Variants in TSC1 observed in about 807,000 individuals in gnomAD.
TSC1 encodes TSC complex subunit 1.
TSC1 carries 20 observed loss-of-function variants against 124.3 expected under a neutral mutation model. That is an observed-to-expected ratio of 0.16 (90% confidence interval 0.11 to 0.23). The LOEUF is 0.23. Among genes scored for constraint, TSC1 ranks in the 10% least tolerant of loss-of-function variants. TSC1 has a pLI of 1.00. For synonymous variants in TSC1, 493 were observed against 539.1 expected, an observed-to-expected ratio of 0.91 and a Z score of 1.19; for missense variants, 1,124 against 1,448.5, an observed-to-expected ratio of 0.78 and a Z score of 3.64.
intron 8 of TSC1, among the ~76,000 whole-genome samples, chr9:132,913,537 G>T (rs1258967617): frequency 6.6e-6 from 1 of 152,032 alleles, no homozygotes; most frequent in Non-Finnish European, 1.5e-5. Context: ...GAACACTGTT[G>T]TATGTCTTGA....
intron 1 of TSC1, among the ~76,000 whole-genome samples, chr9:132,943,134 A>G (rs1232401129): frequency 6.6e-6 from 1 of 152,124 alleles, no homozygotes; most frequent in Non-Finnish European, 1.5e-5. Context: ...TGATCCCAAA[A>G]TTATAAATCA....
Position 132,894,324 on chromosome 9 carries a change from G to A in TSC1, c.*1911C>T, listed in dbSNP as rs1228483668. 4.3e-6 allele frequency: 1 copy of A among 231,194 alleles called. No homozygotes were observed. Among genetic ancestry groups the A allele is most frequent in the Non-Finnish European group, 8.6e-6 (1 of 116,618 alleles). The allele number at this position is 231,194 out of a possible 1,614,324, so 14.3% of individuals were successfully genotyped here. A position where few individuals can be genotyped will look rare whatever the true frequency, so the allele number is the denominator to read the frequency against. On this transcript the variant is annotated 3_prime_UTR_variant, in exon 23 of 23. Coordinates refer to ENST00000298552, the MANE Select transcript of TSC1 (RefSeq NM_000368.5). ...TATGGCACAGATCTCTTGGGCATGA[G>A]GAGAAGGAAAGCACTTAAAACCAGT...
intron 8 of TSC1, among the ~76,000 whole-genome samples, chr9:132,915,220 C>T (rs1380052112): frequency 2.0e-5 from 3 of 152,044 alleles, no homozygotes; most frequent in Non-Finnish European, 4.4e-5. Flanking sequence ...TTCCACGTGC[C>T]TGTACTCTCA....
chr9:132,910,226 G>A (rs1845873733), intron 12 of TSC1: 1 of 542,340 alleles, frequency 1.8e-6, no homozygotes, highest in Non-Finnish European at 3.3e-6. Flanking sequence ...GCATGAGTCT[G>A]GGAGGTCAAG....
rs763954510 is a variant in TSC1 at position 132,936,115 on chromosome 9, CTT to C, written c.-143-1022_-143-1021del. ...CTAGAAGTTAAAATCTTTTCTTTTT[CTT>C]TCTTTCTCTCTTTCTTTTTTAGAGA... On this transcript the variant is annotated intron_variant, in intron 1 of 22. Coordinates refer to ENST00000298552, the MANE Select transcript of TSC1 (RefSeq NM_000368.5). Among the ~76,000 whole-genome samples the C allele has an allele frequency of 2.0e-4, 30 of 152,178 alleles. No individual in the cohort carries two copies. The East Asian group carries it at 3.7e-3, about 19-fold the overall frequency.
rs1845518960 is a variant in TSC1, at chr9:132,903,955, G to A, written c.2042-138C>T. The A allele has an allele frequency of 9.9e-7, 1 of 1,008,542 alleles. No homozygotes were observed. Among genetic ancestry groups the A allele is most frequent in the Non-Finnish European group, 1.5e-6 (1 of 667,450 alleles). 62.5% of individuals were successfully genotyped at this position (1,008,542 alleles called of 1,614,324 possible). ...CCACTCTCTTTGCAAATGACCACTT[G>A]ACTCCCAGCAACAGCAGGGGGGAAA... is the stretch of plus-strand genomic sequence containing the variant. On this transcript the variant is annotated intron_variant, in intron 16 of 22. Transcript: ENST00000298552. The surrounding 1 kb of genome is among the most constrained non-coding windows in gnomAD (Gnocchi z 5.9).
chr9:132,906,240 G>A lies in TSC1; in HGVS notation c.1439-101C>T. ...TGCTGCCACATGCCAGTGTCACTCA[G>A]AGAGAGGAGAAAAAGTGGCATCCGG... On this transcript the variant is annotated intron_variant, in intron 14 of 22. Transcript: ENST00000298552. The surrounding 1 kb of genome is among the most constrained non-coding windows in gnomAD (Gnocchi z 4.1). 1 of 1,347,014 alleles carries A rather than the reference G, an allele frequency of 7.4e-7. No individual in the cohort carries two copies. Among genetic ancestry groups the A allele is most frequent in the South Asian group, 1.3e-5 (1 of 79,636 alleles). The allele number at this position is 1,347,014 out of a possible 1,614,324, so 83.4% of individuals were successfully genotyped here.
Position 132,897,483 on chromosome 9 carries a change from T to C in TSC1, c.2753A>G (p.Lys918Arg), listed in dbSNP as rs757025842. Residue 918 changes from lysine to arginine, a missense_variant, in exon 21 of 23, where the codon AAG (lysine) becomes AGG (arginine). Transcript: ENST00000298552. ...CTGTTCCAAAAGAAGGTGGTCTTTC[T>C]TGGCCAGGTGAGATTCCAGTTCCAA... ...RILELESHLAKKDHLLLEQKK... is the reference protein window; with the variant it reads ...RILELESHLARKDHLLLEQKK... 1 of 1,614,202 alleles carries C rather than the reference T, an allele frequency of 6.2e-7. No homozygotes were observed. The highest frequency in any genetic ancestry group is 8.5e-7 in the Non-Finnish European group (1 of 1,180,046).
rs1588321884 is a variant in TSC1, at chr9:132,910,698, A to G, written c.1142-6T>C. On this transcript the variant is annotated splice_region_variant and splice_polypyrimidine_tract_variant and intron_variant, in intron 11 of 22. Transcript: ENST00000298552. ...AGGAGTTCCTTTTCCACCTGCTTAGAGACAAGGGCAGAACATATATGAACA... is the reference window on the plus strand; with the variant it reads ...AGGAGTTCCTTTTCCACCTGCTTAGGGACAAGGGCAGAACATATATGAACA... The G allele has an allele frequency of 6.2e-7, 1 of 1,613,424 alleles. No homozygotes were observed. The highest frequency in any genetic ancestry group is 8.5e-7 in the Non-Finnish European group (1 of 1,180,032).
In TSC1 at chr9:132,906,976, G is replaced by C. The variant is rs190267978; in HGVS notation, c.1334-141C>G. The stretch of plus-strand genomic sequence containing the variant: ...AGGCTGGACATGGCTCTGTCCTGGG[G>C]ATACTACAAAAGACTGAAATATTAA... On this transcript the variant is annotated intron_variant, in intron 13 of 22. Coordinates refer to ENST00000298552, the MANE Select transcript of TSC1 (RefSeq NM_000368.5). The surrounding 1 kb of genome is among the most constrained non-coding windows in gnomAD (Gnocchi z 4.1). The C allele has an allele frequency of 1.4e-6, 1 of 725,498 alleles. No homozygotes were observed. The highest frequency in any genetic ancestry group is 1.8e-5 in the African/African-American group (1 of 56,192). The allele number at this position is 725,498 out of a possible 1,614,324, so 44.9% of individuals were successfully genotyped here. A position where few individuals can be genotyped will look rare whatever the true frequency, so the allele number is the denominator to read the frequency against.
chr9:132,923,341 T>A lies in TSC1; in HGVS notation c.508+7A>T, dbSNP rs1846668543. ...AGGGCCCAACAGGTATATGAGGAGATCTGTACCTGGTTTCTTCAGGCACCA... is the reference window on the plus strand; with the variant it reads ...AGGGCCCAACAGGTATATGAGGAGAACTGTACCTGGTTTCTTCAGGCACCA... On this transcript the variant is annotated splice_region_variant and intron_variant, in intron 6 of 22. Coordinates refer to ENST00000298552, the MANE Select transcript of TSC1 (RefSeq NM_000368.5). This position sits in a 1 kb window ranked among gnomAD's most constrained non-coding sequence, Gnocchi z 4.2. The A allele has an allele frequency of 1.9e-6, 3 of 1,614,050 alleles. No homozygotes were observed. The highest frequency in any genetic ancestry group is 2.2e-5 in the East Asian group (1 of 44,892).
At chr9:132,925,765 G>A (rs1422017464) in intron 4 of TSC1, 26 bp from the exon 5 acceptor site, 2 of 1,613,898 alleles carry the variant, frequency 1.2e-6, no homozygotes, top group African/African-American at 1.3e-5. Flanking sequence ...AACAAGGGCA[G>A]TCCTCACATG....
rs755582593 is a variant in TSC1 at position 132,905,565 on chromosome 9, T to A, written c.1997+16A>T. ...ATGGACCATTTAACACAGAAGAGAG[T>A]GCCCCAGTCCCTTACTTGTTCAGCT... On this transcript the variant is annotated intron_variant, in intron 15 of 22. Coordinates refer to ENST00000298552, the MANE Select transcript of TSC1 (RefSeq NM_000368.5). 1 of 1,613,406 alleles carries A rather than the reference T, an allele frequency of 6.2e-7. No homozygotes were observed. The highest frequency in any genetic ancestry group is 8.5e-7 in the Non-Finnish European group (1 of 1,180,006).
chr9:132,912,194 T>G (rs1280120754), intron 9 of TSC1, 88 bp downstream of exon 9: 1 of 1,535,604 alleles, frequency 6.5e-7, no homozygotes, highest in Non-Finnish European at 9.0e-7. Flanking sequence ...GAACTAAGTC[T>G]TACTCCAGAA....
intron 11 of TSC1, 114 bp downstream of exon 11, chr9:132,910,888 T>C: frequency 7.7e-7 from 1 of 1,302,778 alleles, no homozygotes; most frequent in East Asian, 2.4e-5. Flanking sequence ...TTGCAATAAG[T>C]GTCAAAAACA....
intron 1 of TSC1, among the ~76,000 whole-genome samples, chr9:132,936,362 C>T (rs1847458742): frequency 6.6e-6 from 1 of 152,172 alleles, no homozygotes; most frequent in African/African-American, 2.4e-5. Flanking sequence ...CGCAATCCTC[C>T]CACCAAGGCC....
chr9:132,920,064 C>T (rs140025056), intron 8 of TSC1, among the ~76,000 whole-genome samples: 1 of 152,234 alleles, frequency 6.6e-6, no homozygotes, highest in East Asian at 1.9e-4. Context: ...CAGTGCCTTG[C>T]CCTTGCTAGA....
Position 132,894,753 on chromosome 9 carries a change from T to G in TSC1, c.*1482A>C. ...CTCTGCTCGAGGCCTCCGTGGGCAC[T>G]AAGATTTCGTACCGTGACAGTTTTT... On this transcript the variant is annotated 3_prime_UTR_variant, in exon 23 of 23. Transcript: ENST00000298552. 1 of 210,268 alleles carries G rather than the reference T, an allele frequency of 4.8e-6. No individual in the cohort carries two copies. The highest frequency in any genetic ancestry group is 7.0e-5 in the East Asian group (1 of 14,280). The allele number at this position is 210,268 out of a possible 1,614,324, so 13.0% of individuals were successfully genotyped here.
intron 2 of TSC1, among the ~76,000 whole-genome samples, chr9:132,933,473 G>A (rs995329205): frequency 2.0e-5 from 3 of 152,100 alleles, no homozygotes; most frequent in Admixed American, 6.5e-5. Flanking sequence ...AAGAATAATT[G>A]CTAAAGGCGG....
Sources: allele counts gnomAD v4.1 joint callset (sites outside exome capture counted in the v4.1 genomes callset), GRCh38; gene constraint gnomAD v4.1.1; non-coding constraint Gnocchi (gnomAD v3.1); transcripts MANE v1.5; gene names NCBI Gene and HGNC (gene_info 2026-07-23, HGNC 2026-07-21).